Variants in PDE10A observed in about 807,000 individuals in gnomAD.
PDE10A encodes the protein cAMP and cAMP-inhibited cGMP 3',5'-cyclic phosphodiesterase 10A.
A neutral mutation model predicts 97.7 loss-of-function variants in PDE10A; 39 were observed. The observed-to-expected ratio is 0.40, with a 90% CI of 0.31 to 0.52. The LOEUF is 0.52. PDE10A is among the 20% of genes least tolerant of loss of function. The pLI is 0.56. For synonymous variants in PDE10A, 371 were observed against 376.8 expected (o/e 0.98, Z 0.18); for missense variants, 731 against 1,047.8 (o/e 0.70, Z 4.17).
intron 3 of PDE10A, among the ~76,000 whole-genome samples, chr6:165,468,144 T>C (rs1778767398): frequency 6.6e-6 from 1 of 152,194 alleles, no homozygotes; most frequent in African/African-American, 2.4e-5. Context: ...AGTGGCACAG[T>C]CTCGGCTCAC....
chr6:165,443,494 C>T (rs1284878517), intron 5 of PDE10A, among the ~76,000 whole-genome samples: 2 of 152,158 alleles, frequency 1.3e-5, no homozygotes, highest in Admixed American at 6.5e-5. Flanking sequence ...ATGCCTGCTA[C>T]TAATCCAGGC....
intron 12 of PDE10A, among the ~76,000 whole-genome samples, chr6:165,415,127 T>G (rs1200812875): frequency 6.6e-6 from 1 of 152,236 alleles, no homozygotes; most frequent in Non-Finnish European, 1.5e-5. Flanking sequence ...TTTCATTTTC[T>G]TAATAGTCTG....
At chr6:165,594,718 T>C (rs561275022) in intron 1 of PDE10A, among the ~76,000 whole-genome samples, 3 of 152,234 alleles carry the variant, frequency 2.0e-5, no homozygotes, top group South Asian at 2.1e-4. Flanking sequence ...TATCGTTCCA[T>C]GGATTACTCA....
rs957107962 is a variant in PDE10A at position 165,436,840 on chromosome 6, A to G, written c.1195-1463T>C. Among the ~76,000 whole-genome samples, 5 of 152,338 alleles carry G rather than the reference A, an allele frequency of 3.3e-5. No homozygotes were observed. The East Asian group carries it at 7.7e-4, about 23-fold the overall frequency. The stretch of plus-strand genomic sequence containing the variant: ...GAGTAAGACTATCATTAGATTCAGT[A>G]TCTATCATTGTCCAAATACAATTCA... On this transcript the variant is annotated intron_variant, in intron 5 of 21. Coordinates refer to ENST00000539869, the MANE Select transcript of PDE10A (RefSeq NM_001385079.1).
At chr6:165,983,246 A>G (rs775882358) in intron 1 of PDE10A, among the ~76,000 whole-genome samples, 2 of 152,206 alleles carry the variant, frequency 1.3e-5, no homozygotes, top group African/African-American at 4.8e-5. Context: ...TGTGTACACA[A>G]TGACCCATTT....
intron 1 of PDE10A, among the ~76,000 whole-genome samples, chr6:165,967,315 G>C (rs561629659): frequency 5.9e-5 from 9 of 152,280 alleles, no homozygotes; most frequent in African/African-American, 1.9e-4. Context: ...TGGCCATCAT[G>C]GTGAAACCCC....
chr6:165,747,327 C>A (rs1237680716), intron 1 of PDE10A, among the ~76,000 whole-genome samples: 1 of 152,154 alleles, frequency 6.6e-6, no homozygotes, highest in Admixed American at 6.5e-5. Flanking sequence ...AGGCTACACA[C>A]AGAGATTAGC....
intron 1 of PDE10A, among the ~76,000 whole-genome samples, chr6:165,604,895 T>C (rs11751207): frequency 6.6e-6 from 1 of 152,126 alleles, no homozygotes; most frequent in Non-Finnish European, 1.5e-5. Context: ...TTTGAGTTTT[T>C]AAAGTGAATA....
intron 17 of PDE10A, among the ~76,000 whole-genome samples, chr6:165,380,468 G>A (rs1390048266): frequency 6.6e-6 from 1 of 152,144 alleles, no homozygotes; most frequent in Admixed American, 6.5e-5. Flanking sequence ...TGCTCTTAAA[G>A]TCTTAGAAGT....
At chr6:165,689,040 G>A (rs1288878553) in intron 1 of PDE10A, among the ~76,000 whole-genome samples, 4 of 152,202 alleles carry the variant, frequency 2.6e-5, no homozygotes, top group Admixed American at 6.5e-5. Flanking sequence ...CCCTCCATTG[G>A]CACGGCTTAT....
At chr6:165,553,195 GAGAT>G (rs377560381) in intron 1 of PDE10A, among the ~76,000 whole-genome samples, 20 of 152,222 alleles carry the variant, frequency 1.3e-4, no homozygotes, top group Non-Finnish European at 1.9e-4. Context: ...TACTGATTAA[GAGAT>G]AGATAGGCTC....
At chr6:165,716,612 G>T (rs765659736) in intron 1 of PDE10A, among the ~76,000 whole-genome samples, 1 of 152,196 alleles carries the variant, frequency 6.6e-6, no homozygotes, top group Admixed American at 6.5e-5. Context: ...TTGGATGAAG[G>T]ATTAAGGGTG....
intron 18 of PDE10A, among the ~76,000 whole-genome samples, chr6:165,348,483 C>T (rs549069274): frequency 2.0e-5 from 3 of 152,206 alleles, no homozygotes; most frequent in Non-Finnish European, 4.4e-5. Flanking sequence ...TTTGCCTACC[C>T]TTGGCTTGAG....
chr6:165,587,665 T>A (rs1785996890), intron 1 of PDE10A, among the ~76,000 whole-genome samples: 1 of 11,330 alleles, frequency 8.8e-5, no homozygotes, highest in Admixed American at 4.1e-3. Flanking sequence ...AGATATGAAT[T>A]TTTTTTTCCT....
intron 1 of PDE10A, among the ~76,000 whole-genome samples, chr6:165,555,866 G>A (rs1482932239): frequency 6.6e-6 from 1 of 152,172 alleles, no homozygotes; most frequent in Non-Finnish European, 1.5e-5. Context: ...CCAGAGGAAT[G>A]TGAAGTCAAA....
chr6:165,779,276 CTTTTCA>C, intron 1 of PDE10A, among the ~76,000 whole-genome samples: 1 of 150,802 alleles, frequency 6.6e-6, no homozygotes, highest in East Asian at 1.9e-4. Context: ...TGCAAGGGGC[CTTTTCA>C]CTTCAACAGA....
intron 1 of PDE10A, among the ~76,000 whole-genome samples, chr6:165,603,339 T>C (rs1787057770): frequency 6.6e-6 from 1 of 152,316 alleles, no homozygotes; most frequent in African/African-American, 2.4e-5. Context: ...CCTTTAGTGA[T>C]ATAAGGTCAA....
intron 18 of PDE10A, among the ~76,000 whole-genome samples, chr6:165,372,789 G>C (rs2128202960): frequency 7.0e-6 from 1 of 142,292 alleles, no homozygotes; most frequent in Admixed American, 7.1e-5. Context: ...TAAGCCAAAA[G>C]AACAAAGCTG....
chr6:165,953,630 TTAAGTTTACAGAAAACTGAGCA>T (rs1784041384), intron 1 of PDE10A, among the ~76,000 whole-genome samples: 2 of 152,250 alleles, frequency 1.3e-5, no homozygotes, highest in East Asian at 3.9e-4. Context: ...TAGAGAAGTT[TTAAGTTTACAGAAAACTGAGCA>T]GACAGTAGAG....
Sources: gnomAD v4.1 joint callset for allele counts (sites outside exome capture counted in the v4.1 genomes callset) on GRCh38, gnomAD v4.1.1 for gene constraint, MANE v1.5 for transcripts, NCBI Gene and HGNC (gene_info 2026-07-23, HGNC 2026-07-21) for gene names.